Variants in UXS1 observed in about 807,000 individuals in gnomAD.
UXS1 encodes UDP-glucuronic acid decarboxylase 1.
Under a neutral mutation model 62.6 loss-of-function variants are expected in UXS1, and 33 were observed. That is an observed-to-expected ratio of 0.53 (90% CI 0.40 to 0.70). The LOEUF (loss-of-function observed/expected upper bound fraction) is 0.70. UXS1 is among the 30% of genes least tolerant of loss of function. UXS1 has a pLI of 0.00. For synonymous variants in UXS1, 213 were observed against 206.8 expected, an observed-to-expected ratio of 1.03 and a Z score of -0.26; for missense variants, 434 against 556.3, an observed-to-expected ratio of 0.78 and a Z score of 2.21.
intron 14 of UXS1, 147 bp from the exon 15 acceptor site, chr2:106,094,304 G>C: frequency 1.1e-6 from 1 of 939,436 alleles, no homozygotes; most frequent in Middle Eastern, 3.1e-4. Context: ...CCATGCTTTG[G>C]TTGTGACAGC....
chr2:106,177,200 C>CT lies in UXS1; in HGVS notation c.95-11118dup, dbSNP rs5833174. Among the ~76,000 whole-genome samples, 324 of 134,570 alleles carry CT rather than the reference C, an allele frequency of 2.4e-3. 16 individuals carry two copies. The highest frequency in any genetic ancestry group is 4.9e-3 in the African/African-American group (176 of 36,030). The allele number at this position is 134,570 out of a possible 152,430, so 88.3% of individuals were successfully genotyped here. A position where few individuals can be genotyped will look rare whatever the true frequency, so the allele number is the denominator to read the frequency against. On this transcript the variant is annotated intron_variant, in intron 1 of 14. Transcript: ENST00000283148. ...TACATGCATTTTTTTTTTCTTTTTT[C>CT]TTTTTTTTTTTTTGAGATGGAGTCT... is the stretch of plus-strand genomic sequence containing the variant.
chr2:106,156,817 C>T (rs2105035260), intron 5 of UXS1, among the ~76,000 whole-genome samples: 1 of 152,274 alleles, frequency 6.6e-6, no homozygotes, highest in East Asian at 1.9e-4. Context: ...ATTTTCGATT[C>T]GTGGTTAGCT....
intron 5 of UXS1, among the ~76,000 whole-genome samples, chr2:106,153,074 C>T (rs768510058): frequency 1.3e-5 from 2 of 152,148 alleles, no homozygotes; most frequent in Admixed American, 6.5e-5. Context: ...AAGGGAGATG[C>T]AGATGGTAAG....
At position 106,192,977 on chromosome 2, in the gene UXS1, CCACA is replaced by C. The variant is rs1194980949; in HGVS notation, c.94+1167_94+1170del. ...TCTCAGCTTTCTTACTCAAGATTGA[CCACA>C]CACACACTTTAGACTAGTTCTTCCT... is the stretch of plus-strand genomic sequence containing the variant. On this transcript the variant is annotated intron_variant, in intron 1 of 14. Transcript: ENST00000283148. Among the ~76,000 whole-genome samples, 5 of 152,228 alleles carry C rather than the reference CCACA, an allele frequency of 3.3e-5. No homozygotes were observed. In the East Asian group the frequency reaches 7.7e-4, roughly 23 times the overall value.
At chr2:106,143,635 A>C (rs1558719868) in intron 6 of UXS1, among the ~76,000 whole-genome samples, 1 of 152,072 alleles carries the variant, frequency 6.6e-6, no homozygotes, top group Non-Finnish European at 1.5e-5. Flanking sequence ...GCAGAAATCA[A>C]GGTGTCAGCA....
At chr2:106,168,995 G>C (rs1020250) in intron 1 of UXS1, among the ~76,000 whole-genome samples, 149,196 of 152,340 alleles carry the variant, frequency 0.98, 73,119 homozygotes, top group South Asian at 1. Flanking sequence ...AAAAAGTTTA[G>C]TTACTTTTAA....
At chr2:106,176,928 C>T (rs1251765239) in intron 1 of UXS1, among the ~76,000 whole-genome samples, 2 of 152,136 alleles carry the variant, frequency 1.3e-5, no homozygotes, top group South Asian at 2.1e-4. Flanking sequence ...CTCTGAAATC[C>T]AGCTATAAAA....
At chr2:106,127,716 A>G (rs1363143869) in intron 7 of UXS1, among the ~76,000 whole-genome samples, 1 of 152,204 alleles carries the variant, frequency 6.6e-6, no homozygotes, top group Admixed American at 6.5e-5. Context: ...GGCTAATGAC[A>G]GCGCCTCTCG....
At chr2:106,168,495 G>C (rs1001954602) in intron 1 of UXS1, among the ~76,000 whole-genome samples, 1 of 152,178 alleles carries the variant, frequency 6.6e-6, no homozygotes, top group Non-Finnish European at 1.5e-5. Flanking sequence ...TAATAAACTT[G>C]CTTTCACTTT....
At chr2:106,177,640 CTG>C (rs1275668630) in intron 1 of UXS1, among the ~76,000 whole-genome samples, 1 of 152,188 alleles carries the variant, frequency 6.6e-6, no homozygotes, top group Non-Finnish European at 1.5e-5. Flanking sequence ...TTTTTTAAGT[CTG>C]TACAGGATGC....
At chr2:106,140,213 G>A (rs1042758677) in intron 6 of UXS1, among the ~76,000 whole-genome samples, 2 of 152,222 alleles carry the variant, frequency 1.3e-5, no homozygotes, top group African/African-American at 4.8e-5. Flanking sequence ...GCCCGCCAGT[G>A]CTGTCGACTG....
intron 6 of UXS1, among the ~76,000 whole-genome samples, chr2:106,130,482 CCAGA>C (rs1387856470): frequency 1.3e-5 from 2 of 152,194 alleles, no homozygotes; most frequent in African/African-American, 2.4e-5. Flanking sequence ...TGCCATCCTT[CCAGA>C]CAAAGTCCAT....
chr2:106,152,560 AAGGAAG>A (rs1382799514), intron 5 of UXS1, among the ~76,000 whole-genome samples: 7 of 69,374 alleles, frequency 1.0e-4, no homozygotes, highest in African/African-American at 3.3e-4. Flanking sequence ...GGGAGAAAGA[AAGGAAG>A]GAAAGGAAGG....
At chr2:106,160,950 T>G (rs1243469780) in intron 4 of UXS1, among the ~76,000 whole-genome samples, 1 of 152,238 alleles carries the variant, frequency 6.6e-6, no homozygotes, top group Non-Finnish European at 1.5e-5. Flanking sequence ...ACTCCTCACT[T>G]CTTCGAGAAG....
intron 10 of UXS1, among the ~76,000 whole-genome samples, chr2:106,106,667 T>TG (rs1678096785): frequency 6.6e-6 from 1 of 152,158 alleles, no homozygotes; most frequent in Non-Finnish European, 1.5e-5. Context: ...GGGAATTCCT[T>TG]GACAGTTCTG....
At chr2:106,114,741 A>G (rs1573432736) in intron 9 of UXS1, among the ~76,000 whole-genome samples, 2 of 152,296 alleles carry the variant, frequency 1.3e-5, no homozygotes, top group East Asian at 3.9e-4. Flanking sequence ...TTGGGCCTGT[A>G]ATGGTTCAGC....
At chr2:106,120,686 G>A (rs771515371) in intron 9 of UXS1, among the ~76,000 whole-genome samples, 12 of 152,176 alleles carry the variant, frequency 7.9e-5, no homozygotes, top group Non-Finnish European at 1.6e-4. Context: ...CCAGTGTGAC[G>A]GAAAGCAGCA....
At chr2:106,099,956 T>C (rs1426243798) in intron 12 of UXS1, among the ~76,000 whole-genome samples, 1 of 152,220 alleles carries the variant, frequency 6.6e-6, no homozygotes, top group Non-Finnish European at 1.5e-5. Context: ...AAATGCATGG[T>C]CTGCAATGTA....
At chr2:106,191,736 C>G (rs1370928848) in intron 1 of UXS1, among the ~76,000 whole-genome samples, 1 of 152,262 alleles carries the variant, frequency 6.6e-6, no homozygotes, top group Non-Finnish European at 1.5e-5. Context: ...CCTCCTAGAA[C>G]ACGCTCTCTC....
Sources: allele counts gnomAD v4.1 joint callset (sites outside exome capture counted in the v4.1 genomes callset), GRCh38; gene constraint gnomAD v4.1.1; transcripts MANE v1.5; gene names NCBI Gene and HGNC (gene_info 2026-07-23, HGNC 2026-07-21).